TOPORS: variants seen among roughly 807,000 people sequenced by gnomAD.
TOPORS encodes TOP1 binding arginine/serine rich protein, E3 ubiquitin ligase.
In TOPORS, 25 loss-of-function variants were observed where a neutral mutation model predicts 81.4. That is an observed-to-expected ratio of 0.31 (90% CI 0.22 to 0.43). The LOEUF (loss-of-function observed/expected upper bound fraction) is 0.43, where lower values mean the gene tolerates loss of function less well. Ranked by LOEUF, TOPORS falls within the 20% of genes least tolerant of loss-of-function variation. TOPORS has a pLI of 1.00. For missense variants in TOPORS, 1,101 were observed against 1,267.0 expected, an observed-to-expected ratio of 0.87 and a Z score of 1.99; for synonymous variants, 473 against 456.6, an observed-to-expected ratio of 1.04 and a Z score of -0.46.
In TOPORS at chr9:32,550,754, T is replaced by C. The variant is rs1821225923; in HGVS notation, c.198+20A>G. On this transcript the variant is annotated intron_variant, in intron 2 of 2. Transcript: ENST00000360538. The stretch of plus-strand genomic sequence containing the variant: ...CGGCCCTTCCGACCCCCGCGTCCCA[T>C]TGTTCCGAATCTCACTCACCTCGGA... The C allele has an allele frequency of 6.2e-7, 1 of 1,611,876 alleles. No homozygotes were observed. Among genetic ancestry groups the C allele is most frequent in the Non-Finnish European group, 8.5e-7 (1 of 1,178,976 alleles).
In TOPORS at chr9:32,541,061, T is replaced by C. The variant is rs1431155825; in HGVS notation, c.*326A>G. On this transcript the variant is annotated 3_prime_UTR_variant, in exon 3 of 3. Coordinates refer to ENST00000360538, the MANE Select transcript of TOPORS (RefSeq NM_005802.5). The stretch of plus-strand genomic sequence containing the variant: ...ATTCAAAAATACTCATTGACTACCT[T>C]AAAAATATGTCAATACCGTATGGCT... 9 of 187,894 alleles carry C rather than the reference T, an allele frequency of 4.8e-5. No homozygotes were observed. In the East Asian group the frequency reaches 1.1e-3, roughly 23 times the overall value. 11.6% of individuals were successfully genotyped at this position (187,894 alleles called of 1,614,324 possible). A position where few individuals can be genotyped will look rare whatever the true frequency, so the allele number is the denominator to read the frequency against.
At chr9:32,547,903 C>T (rs1214343640) in intron 2 of TOPORS, among the ~76,000 whole-genome samples, 1 of 151,752 alleles carries the variant, frequency 6.6e-6, no homozygotes, top group East Asian at 1.9e-4. Context: ...GCGATCGTGG[C>T]TCACTGCAAG....
intron 1 of TOPORS, 29 bp from the exon 2 acceptor site, chr9:32,550,997 G>A: frequency 6.2e-7 from 1 of 1,606,056 alleles, no homozygotes; most frequent in Non-Finnish European, 8.5e-7. Flanking sequence ...ATCACCAATG[G>A]CAGCTCGGAA....
chr9:32,552,139 A>C (rs1821286113), intron 1 of TOPORS: 1 of 582,114 alleles, frequency 1.7e-6, no homozygotes, highest in Non-Finnish European at 3.1e-6. Flanking sequence ...AACTAGAAAG[A>C]AAACCAGTGG....
At position 32,543,741 on chromosome 9, in the gene TOPORS, G is replaced by C; in HGVS notation, c.784C>G (p.Leu262Val). Residue 262 changes from leucine to valine, a missense_variant, in exon 3 of 3, where the codon CTT becomes GTT. Around this residue, in one of 9 missense-constraint regions of TOPORS, gnomAD observed 69 missense variants for 153.6 expected, o/e 0.45. Coordinates refer to ENST00000360538, the MANE Select transcript of TOPORS (RefSeq NM_005802.5). The surrounding 1 kb of genome is among the most constrained non-coding windows in gnomAD (Gnocchi z 5.6). Reference protein sequence around the residue: ...EQDIINFRRTLYRAGARVRNI... With the variant: ...EQDIINFRRTVYRAGARVRNI... ...CTAACTCGAGCACCAGCACGATAAA[G>C]AGTTCGTCTAAAATTAATAATATCT... 3 of 1,612,096 alleles carry C rather than the reference G, an allele frequency of 1.9e-6. No homozygotes were observed. The highest frequency in any genetic ancestry group is 2.5e-6 in the Non-Finnish European group (3 of 1,178,696).
At position 32,542,467 on chromosome 9, in the gene TOPORS, A is replaced by G. The variant is rs749853174; in HGVS notation, c.2058T>C (p.Asn686=). ...DHGKRRSRSR[N]RDRYYLRNNY... Reference sequence around the variant, plus strand: ...TATTTCTTAAATAATAACGATCTCTATTTCTGCTCCGTGATCTTCTTTTAC... The same window carrying G: ...TATTTCTTAAATAATAACGATCTCTGTTTCTGCTCCGTGATCTTCTTTTAC... The change falls in exon 3 of 3, where the codon AAT becomes AAC. Residue 686 remains asparagine (N), a synonymous_variant. Coordinates refer to ENST00000360538, the MANE Select transcript of TOPORS (RefSeq NM_005802.5). 1.2e-6 allele frequency: 2 copies of G among 1,613,574 alleles called. No individual in the cohort carries two copies. The highest frequency in any genetic ancestry group is 1.7e-5 in the Admixed American group (1 of 59,998).
rs1347728372 is a variant in TOPORS at position 32,550,813 on chromosome 9, C to T, written c.159G>A (p.Ala53=). 2 of 1,612,602 alleles carry T rather than the reference C, an allele frequency of 1.2e-6. No individual in the cohort carries two copies. The highest frequency in any genetic ancestry group is 1.7e-6 in the Non-Finnish European group (2 of 1,179,698). Residue 53 remains alanine (A), a synonymous_variant, in exon 2 of 3, where the codon GCG becomes GCA. Transcript: ENST00000360538. ...RPSFLGCREL[A]ASAPARPAPA... ...GCGCAGGCCTGGCTGGGGCGCTCGC[C>T]GCGAGCTCCCGGCAGCCCAGAAAGC...
In TOPORS at chr9:32,552,522, GGGCCCGCAGGCGGAAA is replaced by G; in HGVS notation, c.-102_-87del. ...CGGGCCCCCACCGTGTCGACTCACTGGGCCCGCAGGCGGAAAGGCCCTATTTCTTCAGCACCCAGAA... is the reference window on the plus strand; with the variant it reads ...CGGGCCCCCACCGTGTCGACTCACTGGGCCCTATTTCTTCAGCACCCAGAA... On this transcript the variant is annotated 5_prime_UTR_variant, in exon 1 of 3. Transcript: ENST00000360538. 6.5e-7 allele frequency: 1 copy of G among 1,549,026 alleles called. No individual in the cohort carries two copies. Among genetic ancestry groups the G allele is most frequent in the Non-Finnish European group, 8.8e-7 (1 of 1,139,716 alleles).
chr9:32,541,859 T>G lies in TOPORS; in HGVS notation c.2666A>C (p.His889Pro). Residue 889 changes from histidine to proline, a missense_variant, in exon 3 of 3, where the codon CAT (histidine) becomes CCT (proline). Physicochemically the swap from His to Pro is moderately conservative, Grantham distance 77. Coordinates refer to ENST00000360538, the MANE Select transcript of TOPORS (RefSeq NM_005802.5). ...ATGGTGTTTCTTATGCTTCTTCTTA[T>G]GTTTCTTCTTTTTCTTTTTATGGTG... Reference protein sequence around the residue: ...TKHHKKKKKKHKKKHKKHHGD... With the variant: ...TKHHKKKKKKPKKKHKKHHGD... The G allele has an allele frequency of 6.2e-7, 1 of 1,614,150 alleles. No individual in the cohort carries two copies. Among genetic ancestry groups the G allele is most frequent in the Non-Finnish European group, 8.5e-7 (1 of 1,180,014 alleles).
chr9:32,551,029 AC>A (rs1334560799), intron 1 of TOPORS, 61 bp from the exon 2 acceptor site: 18 of 1,563,774 alleles, frequency 1.2e-5, no homozygotes, highest in African/African-American at 6.8e-5. Context: ...AGCGAGACCC[AC>A]CCCCCAGCTC....
chr9:32,546,054 C>G (rs1424523724), intron 2 of TOPORS, among the ~76,000 whole-genome samples: 1 of 152,188 alleles, frequency 6.6e-6, no homozygotes, highest in Non-Finnish European at 1.5e-5. Flanking sequence ...AGAACCATAA[C>G]TTAATAGAGA....
Position 32,543,898 on chromosome 9 carries a change from A to G in TOPORS, c.627T>C (p.Ser209=), listed in dbSNP as rs769114875. The change falls in exon 3 of 3, where the codon AGT becomes AGC. Residue 209 remains serine (S), a synonymous_variant. Transcript: ENST00000360538. This position sits in a 1 kb window ranked among gnomAD's most constrained non-coding sequence, Gnocchi z 5.6. ...TGCCTAACCCTTCAAACAGTACTCC[A>G]CTATCCGGTGGAGTTGTTGTTCTTC... The part of the protein sequence containing the change: ...VNRRTTTPPD[S]GVLFEGLGIS... 2.0e-5 allele frequency: 33 copies of G among 1,614,018 alleles called. No individual in the cohort carries two copies. The highest frequency in any genetic ancestry group is 2.7e-5 in the Non-Finnish European group (32 of 1,180,010).
chr9:32,542,321 G>C lies in TOPORS; in HGVS notation c.2204C>G (p.Ser735Ter). 1 of 1,614,072 alleles carries C rather than the reference G, an allele frequency of 6.2e-7. No homozygotes were observed. Among genetic ancestry groups the C allele is most frequent in the Non-Finnish European group, 8.5e-7 (1 of 1,180,004 alleles). The change falls in exon 3 of 3, where the codon TCA becomes TGA. Residue 735 changes from serine to a stop codon, truncating the protein, a stop_gained. Coordinates refer to ENST00000360538, the MANE Select transcript of TOPORS (RefSeq NM_005802.5). LOFTEE classifies it high-confidence loss of function. Reference sequence around the variant, plus strand: ...GGACTGAACTCTAAATTCTGGACTTGAAGACTGTCTAGAATAATGAGCTCT... The same window carrying C: ...GGACTGAACTCTAAATTCTGGACTTCAAGACTGTCTAGAATAATGAGCTCT... ...LSRAHYSRQS[S>*]SPEFRVQSFS...
At chr9:32,551,785 G>A (rs1821270828) in intron 1 of TOPORS, 1 of 453,058 alleles carries the variant, frequency 2.2e-6, no homozygotes, top group Non-Finnish European at 4.4e-6. Context: ...AACACTTGTT[G>A]CTTGACTGAT....
rs370460435 is a variant in TOPORS, at chr9:32,542,149, A to C, written c.2376T>G (p.Pro792=). 5.0e-6 allele frequency: 8 copies of C among 1,613,956 alleles called. No homozygotes were observed. The African/African-American group carries it at 1.1e-4, about 22-fold the overall frequency. The change falls in exon 3 of 3, where the codon CCT becomes CCG. Residue 792 remains proline (P), a synonymous_variant. Coordinates refer to ENST00000360538, the MANE Select transcript of TOPORS (RefSeq NM_005802.5). ...TGTDRVRNEK[P]GGKRKYKTRH... Reference sequence around the variant, plus strand: ...GTGTTTTGTATTTTCGTTTCCCTCCAGGCTTTTCATTTCTCACCCGGTCAG... The same window carrying C: ...GTGTTTTGTATTTTCGTTTCCCTCCCGGCTTTTCATTTCTCACCCGGTCAG...
chr9:32,548,514 G>C (rs772188028), intron 2 of TOPORS, among the ~76,000 whole-genome samples: 10 of 151,828 alleles, frequency 6.6e-5, no homozygotes, highest in Admixed American at 1.3e-4. Flanking sequence ...CAACAAGAGC[G>C]AAACTCTGCC....
In TOPORS at chr9:32,542,598, T is replaced by G. The variant is rs776634072; in HGVS notation, c.1927A>C (p.Lys643Gln). ...CTATCTCTAGTTCTTGATCTCTTTT[T>G]GTCTCTTCTCCCTCTAGGTCTGCTA... ...ESSRPRGRRD[K>Q]KRSRTRDSSW... Residue 643 changes from lysine to glutamine, a missense_variant, in exon 3 of 3, where the codon AAA becomes CAA. Lys to Gln is a moderately conservative substitution (Grantham distance 53). Around this residue, in one of 9 missense-constraint regions of TOPORS, gnomAD observed 605 missense variants for 636.1 expected, o/e 0.95. Transcript: ENST00000360538. 5.0e-6 allele frequency: 8 copies of G among 1,614,042 alleles called. No homozygotes were observed. In the African/African-American group the frequency reaches 5.3e-5, roughly 11 times the overall value.
rs968337242 is a variant in TOPORS at position 32,541,051 on chromosome 9, TTGAC to T, written c.*332_*335del. On this transcript the variant is annotated 3_prime_UTR_variant, in exon 3 of 3. Coordinates refer to ENST00000360538, the MANE Select transcript of TOPORS (RefSeq NM_005802.5). ...AAAAAAAAAAATTCAAAAATACTCA[TTGAC>T]TACCTTAAAAATATGTCAATACCGT... 3 of 180,740 alleles carry T rather than the reference TTGAC, an allele frequency of 1.7e-5. No homozygotes were observed. Among genetic ancestry groups the T allele is most frequent in the African/African-American group, 7.1e-5 (3 of 42,018 alleles). 11.2% of individuals were successfully genotyped at this position (180,740 alleles called of 1,614,324 possible).
chr9:32,543,821 G>A lies in TOPORS; in HGVS notation c.704C>T (p.Ala235Val). Residue 235 changes from alanine (A) to valine (V), a missense_variant, in exon 3 of 3, where the codon GCA becomes GTA. Around this residue, in one of 9 missense-constraint regions of TOPORS, gnomAD observed 120 missense variants for 115.4 expected, o/e 1.04. Transcript: ENST00000360538. The surrounding 1 kb of genome is among the most constrained non-coding windows in gnomAD (Gnocchi z 5.6). ...VEIPQFMRQI[A>V]VRRPTTADER... ...ATCTGCCGTAGTTGGCCTCCTTACTGCAATCTGTCTCATAAACTGAGGAAT... is the reference window on the plus strand; with the variant it reads ...ATCTGCCGTAGTTGGCCTCCTTACTACAATCTGTCTCATAAACTGAGGAAT... 1 of 1,613,954 alleles carries A rather than the reference G, an allele frequency of 6.2e-7. No homozygotes were observed. The highest frequency in any genetic ancestry group is 1.7e-5 in the Admixed American group (1 of 60,006).
Sources: gnomAD v4.1 joint callset for allele counts (sites outside exome capture counted in the v4.1 genomes callset) on GRCh38, gnomAD v4.1.1 for gene constraint, gnomAD v4.1.1 regional missense constraint, Gnocchi (gnomAD v3.1) non-coding constraint, MANE v1.5 for transcripts, NCBI Gene and HGNC (gene_info 2026-07-23, HGNC 2026-07-21) for gene names.